Variants in TRAPPC9 observed in about 807,000 individuals in gnomAD.
TRAPPC9 encodes the protein IKK2 binding protein.
Under a neutral mutation model 124.0 loss-of-function variants are expected in TRAPPC9, and 83 were observed. The ratio of observed to expected loss-of-function variants is 0.67; its 90% CI spans 0.56 to 0.80. The LOEUF is 0.80. TRAPPC9 is among the 30% of genes least tolerant of loss of function. The pLI, the probability that TRAPPC9 is intolerant of heterozygous loss-of-function variation, is 0.00. For missense variants in TRAPPC9, 1,302 were observed against 1,508.3 expected, an observed-to-expected ratio of 0.86 and a Z score of 2.27; for synonymous variants, 638 against 617.5, an observed-to-expected ratio of 1.03 and a Z score of -0.49.
intron 17 of TRAPPC9, among the ~76,000 whole-genome samples, chr8:140,173,729 C>T (rs972986135): frequency 6.6e-6 from 1 of 152,126 alleles, no homozygotes; most frequent in African/African-American, 2.4e-5. Context: ...TGTCTATAGA[C>T]TATGGCATAA....
intron 21 of TRAPPC9, among the ~76,000 whole-genome samples, chr8:139,756,450 GGTCGC>G (rs1819791167): frequency 1.4e-3 from 167 of 123,226 alleles, no homozygotes; most frequent in Non-Finnish European, 2.1e-3. Context: ...GAGGACAGCA[GGTCGC>G]AGAAGGAGCC....
At chr8:139,965,556 CAAGAACA>C (rs377219963) in intron 19 of TRAPPC9, among the ~76,000 whole-genome samples, 25 of 152,228 alleles carry the variant, frequency 1.6e-4, no homozygotes, top group African/African-American at 5.8e-4. Flanking sequence ...GAAAATTTAT[CAAGAACA>C]AAGAACAAAG....
intron 17 of TRAPPC9, among the ~76,000 whole-genome samples, chr8:140,068,575 T>G (rs1489945980): frequency 6.6e-6 from 1 of 152,226 alleles, no homozygotes; most frequent in Non-Finnish European, 1.5e-5. Flanking sequence ...AATGAATGAT[T>G]CAAACTCAGC....
Position 140,239,469 on chromosome 8 carries a change from G to A in TRAPPC9, c.2431+13308C>T, listed in dbSNP as rs539746734. Among the ~76,000 whole-genome samples the A allele has an allele frequency of 3.9e-5, 6 of 152,302 alleles. No individual in the cohort carries two copies. In the East Asian group the frequency reaches 9.7e-4, roughly 25 times the overall value. On this transcript the variant is annotated intron_variant, in intron 16 of 22. Transcript: ENST00000438773. ...TTGGGGGAGGATGCAGCCACCAGGC[G>A]CTAGGAACAAAAAACAAGTAAGACT... is the stretch of plus-strand genomic sequence containing the variant.
At chr8:139,736,609 G>A (rs1442220691) in intron 21 of TRAPPC9, among the ~76,000 whole-genome samples, 3 of 152,222 alleles carry the variant, frequency 2.0e-5, no homozygotes. Flanking sequence ...TCAAAAGGAT[G>A]TCCTGGTCTC....
intron 19 of TRAPPC9, among the ~76,000 whole-genome samples, chr8:139,960,879 T>C (rs878945828): frequency 0.79 from 98,259 of 123,744 alleles, 44,274 homozygotes; most frequent in East Asian, 0.98. Context: ...GTGGTGCCCG[T>C]GAGGAGCCAG....
At chr8:140,303,927 CGTTTAT>C (rs1237272818) in intron 10 of TRAPPC9, among the ~76,000 whole-genome samples, 1 of 152,122 alleles carries the variant, frequency 6.6e-6, no homozygotes, top group Non-Finnish European at 1.5e-5. Context: ...GCAGTAAATT[CGTTTAT>C]GTTTAACGAT....
chr8:140,262,161 T>G (rs973019746), intron 15 of TRAPPC9, among the ~76,000 whole-genome samples: 1 of 152,226 alleles, frequency 6.6e-6, no homozygotes, highest in Non-Finnish European at 1.5e-5. Context: ...GTAAGTTCAC[T>G]GGCTTAATCC....
At chr8:140,217,453 C>T (rs938323383) in intron 17 of TRAPPC9, among the ~76,000 whole-genome samples, 1 of 152,112 alleles carries the variant, frequency 6.6e-6, no homozygotes, top group East Asian at 1.9e-4. Flanking sequence ...CAGTGGACGG[C>T]CTCTGGCAGG....
intron 17 of TRAPPC9, among the ~76,000 whole-genome samples, chr8:140,130,882 AC>A (rs1322869199): frequency 6.6e-6 from 1 of 152,248 alleles, no homozygotes; most frequent in Non-Finnish European, 1.5e-5. Context: ...ATTGCCAAGC[AC>A]AATAAATGTT....
chr8:139,850,934 T>A (rs866491893), intron 21 of TRAPPC9, among the ~76,000 whole-genome samples: 1 of 152,162 alleles, frequency 6.6e-6, no homozygotes, highest in Non-Finnish European at 1.5e-5. Flanking sequence ...ATATCCTCCA[T>A]GCTCAAAAGA....
chr8:140,252,683 G>A lies in TRAPPC9; in HGVS notation c.2431+94C>T. Reference sequence around the variant, plus strand: ...GCTTGAGTTAATGAATGACAAGTGAGTTACAAACAGCAAACAGCAGGCATC... The same window carrying A: ...GCTTGAGTTAATGAATGACAAGTGAATTACAAACAGCAAACAGCAGGCATC... On this transcript the variant is annotated intron_variant, in intron 16 of 22. Transcript: ENST00000438773. The surrounding 1 kb of genome is among the most constrained non-coding windows in gnomAD (Gnocchi z 4.2). 1 of 1,472,258 alleles carries A rather than the reference G, an allele frequency of 6.8e-7. No individual in the cohort carries two copies. Among genetic ancestry groups the A allele is most frequent in the Non-Finnish European group, 9.4e-7 (1 of 1,064,686 alleles). The allele number at this position is 1,472,258 out of a possible 1,614,324, so 91.2% of individuals were successfully genotyped here. A position where few individuals can be genotyped will look rare whatever the true frequency, so the allele number is the denominator to read the frequency against.
At chr8:139,833,611 G>A (rs1032811991) in intron 21 of TRAPPC9, among the ~76,000 whole-genome samples, 2 of 152,256 alleles carry the variant, frequency 1.3e-5, no homozygotes, top group Non-Finnish European at 2.9e-5. Context: ...CTTGACGGGT[G>A]GTTCACAGGC....
chr8:139,741,904 T>C (rs1386235609), intron 21 of TRAPPC9, among the ~76,000 whole-genome samples: 2 of 152,146 alleles, frequency 1.3e-5, no homozygotes, highest in Admixed American at 6.5e-5. Flanking sequence ...GGGGCACATT[T>C]TGTTCATATA....
At chr8:140,211,548 A>C (rs2063062422) in intron 17 of TRAPPC9, among the ~76,000 whole-genome samples, 1 of 152,230 alleles carries the variant, frequency 6.6e-6, no homozygotes, top group African/African-American at 2.4e-5. Context: ...AACAGAGCAC[A>C]ACCCTGTCTC....
intron 17 of TRAPPC9, among the ~76,000 whole-genome samples, chr8:140,052,334 A>T (rs1363473502): frequency 6.6e-6 from 1 of 152,226 alleles, no homozygotes; most frequent in East Asian, 1.9e-4. Context: ...TTTCAGCCAC[A>T]AAATAAATAA....
At chr8:140,075,006 G>A (rs923653384) in intron 17 of TRAPPC9, among the ~76,000 whole-genome samples, 2 of 152,254 alleles carry the variant, frequency 1.3e-5, no homozygotes, top group Admixed American at 6.5e-5. Flanking sequence ...CTTGCCCAAT[G>A]TCAGCCTTCA....
chr8:140,383,449 A>G (rs2132305001), intron 7 of TRAPPC9, among the ~76,000 whole-genome samples: 1 of 152,350 alleles, frequency 6.6e-6, no homozygotes, highest in South Asian at 2.1e-4. Context: ...TAGAATAACC[A>G]GTGTAGAAAA....
intron 19 of TRAPPC9, among the ~76,000 whole-genome samples, chr8:139,940,217 T>C (rs532450526): frequency 1.3e-5 from 2 of 152,332 alleles, no homozygotes; most frequent in Non-Finnish European, 1.5e-5. Flanking sequence ...AAGTCTCTCT[T>C]ACTTCTGAAC....
Sources: allele counts gnomAD v4.1 joint callset (sites outside exome capture counted in the v4.1 genomes callset), GRCh38; gene constraint gnomAD v4.1.1; non-coding constraint Gnocchi (gnomAD v3.1); transcripts MANE v1.5; gene names NCBI Gene and HGNC (gene_info 2026-07-23, HGNC 2026-07-21).